The following CRYL1 variants were observed in gnomAD, a reference collection of about 807,000 sequenced individuals.
The protein encoded by CRYL1 is crystallin lambda 1.
A neutral mutation model predicts 36.6 loss-of-function variants in CRYL1; 29 were observed. The observed-to-expected ratio is 0.79, with a 90% CI of 0.59 to 1.08. The LOEUF (loss-of-function observed/expected upper bound fraction) is 1.08, where lower values mean the gene tolerates loss of function less well. Ranked by LOEUF, CRYL1 falls within the 50% of genes least tolerant of loss-of-function variation. The probability of loss-of-function intolerance (pLI) is 0.00; values close to 1 mark genes in which losing one functional copy is unlikely to be tolerated. For missense variants in CRYL1, 411 were observed against 407.9 expected (o/e 1.01, Z -0.06); for synonymous variants, 152 against 151.5 (o/e 1.00, Z -0.02).
chr13:20,431,648 T>C, intron 5 of CRYL1: 1 of 1,075,024 alleles, frequency 9.3e-7, no homozygotes, highest in Non-Finnish European at 1.1e-6. Context: ...GCATTTACTC[T>C]AACAAGTCTA....
At chr13:20,459,060 C>T (rs2032746274) in intron 3 of CRYL1, among the ~76,000 whole-genome samples, 1 of 151,876 alleles carries the variant, frequency 6.6e-6, no homozygotes, top group Non-Finnish European at 1.5e-5. Context: ...ACGGTGAAAC[C>T]CCGTCTCTAC....
intron 6 of CRYL1, among the ~76,000 whole-genome samples, chr13:20,410,943 G>T (rs2031507682): frequency 1.3e-5 from 2 of 152,222 alleles, no homozygotes; most frequent in African/African-American, 4.8e-5. Flanking sequence ...TCTTTCAGGG[G>T]TGTTGTTTGT....
At chr13:20,471,559 C>T (rs992915577) in intron 3 of CRYL1, among the ~76,000 whole-genome samples, 2 of 151,680 alleles carry the variant, frequency 1.3e-5, no homozygotes, top group African/African-American at 2.4e-5. Context: ...GAGCCGAGAT[C>T]GCACCACTGC....
intron 2 of CRYL1, among the ~76,000 whole-genome samples, chr13:20,507,748 C>G (rs775491278): frequency 2.6e-5 from 4 of 151,842 alleles, no homozygotes; most frequent in Non-Finnish European, 4.4e-5. Flanking sequence ...GAAACCCCGT[C>G]TCTACTAAAA....
At chr13:20,406,299 T>C (rs2031376709) in intron 6 of CRYL1, among the ~76,000 whole-genome samples, 1 of 152,170 alleles carries the variant, frequency 6.6e-6, no homozygotes, top group Non-Finnish European at 1.5e-5. Flanking sequence ...GGGGTTTAGT[T>C]TTGATTGACC....
chr13:20,506,940 G>A (rs925526103), intron 2 of CRYL1, among the ~76,000 whole-genome samples: 3 of 152,154 alleles, frequency 2.0e-5, no homozygotes. Flanking sequence ...GGACCTGGTG[G>A]GAGATAACTG....
At chr13:20,404,829 C>A in intron 6 of CRYL1, 88 bp from the exon 7 acceptor site, 9 of 910,824 alleles carry the variant, frequency 9.9e-6, no homozygotes, top group Non-Finnish European at 1.4e-5. Context: ...CAGAGAGTTT[C>A]ACCCTGGGGT....
chr13:20,466,987 G>T (rs1382937937), intron 3 of CRYL1, among the ~76,000 whole-genome samples: 1 of 150,260 alleles, frequency 6.7e-6, no homozygotes, highest in African/African-American at 2.5e-5. Context: ...TCACTCTGTT[G>T]CCCAGGCTGG....
intron 2 of CRYL1, among the ~76,000 whole-genome samples, chr13:20,506,510 C>T (rs1025812462): frequency 1.3e-5 from 2 of 151,658 alleles, no homozygotes; most frequent in East Asian, 1.9e-4. Context: ...AGTAGGATAA[C>T]AGGAAAGCCT....
At chr13:20,468,027 C>T (rs969536416) in intron 3 of CRYL1, among the ~76,000 whole-genome samples, 3 of 152,076 alleles carry the variant, frequency 2.0e-5, no homozygotes, top group Non-Finnish European at 4.4e-5. Context: ...GCCTTATGAT[C>T]AGCAGTGGAA....
At chr13:20,500,502 A>G (rs768570664) in intron 2 of CRYL1, among the ~76,000 whole-genome samples, 4 of 152,218 alleles carry the variant, frequency 2.6e-5, no homozygotes, top group Non-Finnish European at 5.9e-5. Flanking sequence ...AGGAGAGCCT[A>G]TGAGAACAGT....
chr13:20,505,010 A>T (rs961539780), intron 2 of CRYL1, among the ~76,000 whole-genome samples: 2 of 152,184 alleles, frequency 1.3e-5, no homozygotes, highest in African/African-American at 4.8e-5. Flanking sequence ...ATTCATGCAG[A>T]TGTAGTGAAA....
intron 5 of CRYL1, chr13:20,431,530 C>T (rs192951938): frequency 1.8e-4 from 181 of 1,004,558 alleles, no homozygotes; most frequent in Non-Finnish European, 2.1e-4. Flanking sequence ...CAAATGTACA[C>T]GAGAATGCGT....
intron 3 of CRYL1, among the ~76,000 whole-genome samples, chr13:20,460,835 G>C (rs928147597): frequency 5.9e-5 from 9 of 152,122 alleles, no homozygotes; most frequent in Non-Finnish European, 1.2e-4. Flanking sequence ...GGCAGCTGCT[G>C]TTTTCTAAGA....
chr13:20,431,566 A>T (rs1430793683), intron 5 of CRYL1: 1 of 1,012,512 alleles, frequency 9.9e-7, no homozygotes, highest in Non-Finnish European at 1.2e-6. Flanking sequence ...CTTCACCTCC[A>T]TGTAAAATCC....
In CRYL1 at chr13:20,497,464, CTA is replaced by C. The variant is rs201128129; in HGVS notation, c.150-7970_150-7969del. Among the ~76,000 whole-genome samples the C allele has an allele frequency of 9.8e-3, 151 of 15,382 alleles. 1 individual carries two copies. Among genetic ancestry groups the C allele is most frequent in the East Asian group, 0.019 (6 of 320 alleles). The allele number at this position is 15,382 out of a possible 152,430, so 10.1% of individuals were successfully genotyped here. A position where few individuals can be genotyped will look rare whatever the true frequency, so the allele number is the denominator to read the frequency against. On this transcript the variant is annotated intron_variant, in intron 2 of 7. Transcript: ENST00000298248. ...CAACTACACACACCACATATACACACTACACACACACCACCACACACACAACT... is the reference window on the plus strand; with the variant it reads ...CAACTACACACACCACATATACACACCACACACACCACCACACACACAACT...
At chr13:20,450,890 G>C (rs2032556847) in intron 3 of CRYL1, among the ~76,000 whole-genome samples, 1 of 152,048 alleles carries the variant, frequency 6.6e-6, no homozygotes, top group Non-Finnish European at 1.5e-5. Context: ...CATAAAAAAG[G>C]ATGAGTTCAT....
At position 20,424,270 on chromosome 13, in the gene CRYL1, C is replaced by A. The variant is rs370924431; in HGVS notation, c.633+7832G>T. 1.0e-3 allele frequency among the ~76,000 whole-genome samples: 154 copies of A among 152,318 alleles called. 4 individuals are homozygous for A. In the South Asian group the frequency reaches 0.029, roughly 29 times the overall value. ...AACGTGGGTGATGTATCCGCTCTAACGACCCTGCAGTCCCAACAGAGGTGC... is the reference window on the plus strand; with the variant it reads ...AACGTGGGTGATGTATCCGCTCTAAAGACCCTGCAGTCCCAACAGAGGTGC... On this transcript the variant is annotated intron_variant, in intron 5 of 7. Transcript: ENST00000298248.
At chr13:20,524,735 A>C (rs953538882) in intron 1 of CRYL1, among the ~76,000 whole-genome samples, 1 of 152,122 alleles carries the variant, frequency 6.6e-6, no homozygotes, top group South Asian at 2.1e-4. Context: ...TGGGCCAGAA[A>C]GAACAAAGGC....
Sources: allele counts gnomAD v4.1 joint callset (sites outside exome capture counted in the v4.1 genomes callset), GRCh38; gene constraint gnomAD v4.1.1; transcripts MANE v1.5; gene names NCBI Gene and HGNC (gene_info 2026-07-23, HGNC 2026-07-21).